The following SLC44A1 variants were observed in gnomAD, a reference collection of about 807,000 sequenced individuals.
SLC44A1 encodes choline transporter-like protein 1.
Under a neutral mutation model 79.3 loss-of-function variants are expected in SLC44A1, and 26 were observed. The observed-to-expected ratio is 0.33, with a 90% CI of 0.24 to 0.46. The LOEUF (loss-of-function observed/expected upper bound fraction) is 0.46. SLC44A1 is among the 20% of genes least tolerant of loss of function. SLC44A1 has a pLI of 1.00. For synonymous variants in SLC44A1, 263 were observed against 286.2 expected (o/e 0.92, Z 0.82); for missense variants, 688 against 798.1 (o/e 0.86, Z 1.66).
intron 1 of SLC44A1, among the ~76,000 whole-genome samples, chr9:105,260,501 A>T (rs1030068588): frequency 6.6e-6 from 1 of 152,158 alleles, no homozygotes; most frequent in African/African-American, 2.4e-5. Flanking sequence ...ACTAAGAATC[A>T]CTCAGCTCTG....
intron 1 of SLC44A1, among the ~76,000 whole-genome samples, chr9:105,255,834 A>AAT (rs1033281905): frequency 2.0e-5 from 3 of 152,208 alleles, no homozygotes; most frequent in African/African-American, 7.2e-5. Context: ...CCAGCTATAA[A>AAT]ATATAAACAA....
At chr9:105,253,470 A>G (rs1196609518) in intron 1 of SLC44A1, among the ~76,000 whole-genome samples, 7 of 152,194 alleles carry the variant, frequency 4.6e-5, no homozygotes, top group Non-Finnish European at 8.8e-5. Flanking sequence ...GCTCACACGT[A>G]TAATCCCAAC....
At chr9:105,263,987 A>G (rs1829902250) in intron 1 of SLC44A1, among the ~76,000 whole-genome samples, 2 of 152,084 alleles carry the variant, frequency 1.3e-5, no homozygotes, top group Admixed American at 6.5e-5. Flanking sequence ...ATATGCTTAT[A>G]CTGCTACCTC....
chr9:105,389,973 C>T lies in SLC44A1; in HGVS notation c.*917C>T. 1.4e-6 allele frequency: 2 copies of T among 1,465,858 alleles called. No individual in the cohort carries two copies. Among genetic ancestry groups the T allele is most frequent in the South Asian group, 1.4e-5 (1 of 69,120 alleles). The allele number at this position is 1,465,858 out of a possible 1,614,324, so 90.8% of individuals were successfully genotyped here. A position where few individuals can be genotyped will look rare whatever the true frequency, so the allele number is the denominator to read the frequency against. On this transcript the variant is annotated 3_prime_UTR_variant, in exon 16 of 16. Coordinates refer to ENST00000374720, the MANE Select transcript of SLC44A1 (RefSeq NM_080546.5). The stretch of plus-strand genomic sequence containing the variant: ...ACATAAAGCATTGAAAATTCCGGTG[C>T]TTGGGCTTCGGCTTCAGAGTAACGT...
At position 105,371,235 on chromosome 9, in the gene SLC44A1, A is replaced by T. The variant is rs546543493; in HGVS notation, c.1495-3363A>T. 3.3e-5 allele frequency among the ~76,000 whole-genome samples: 5 copies of T among 152,288 alleles called. No homozygotes were observed. In the East Asian group the frequency reaches 7.7e-4, roughly 24 times the overall value. Reference sequence around the variant, plus strand: ...GTAGATGAGTGAGTAGATGAGGTTGATATTAATCCTTGGCAGTACTCTAGA... The same window carrying T: ...GTAGATGAGTGAGTAGATGAGGTTGTTATTAATCCTTGGCAGTACTCTAGA... On this transcript the variant is annotated intron_variant, in intron 12 of 15. Transcript: ENST00000374720.
intron 2 of SLC44A1, among the ~76,000 whole-genome samples, chr9:105,302,809 A>G (rs150836644): frequency 6.6e-6 from 1 of 152,274 alleles, no homozygotes; most frequent in Non-Finnish European, 1.5e-5. Flanking sequence ...ATTGAGCAAG[A>G]AGTGATATGA....
chr9:105,405,676 A>T (rs780404338), intron 15 of SLC44A1, among the ~76,000 whole-genome samples: 1 of 152,004 alleles, frequency 6.6e-6, no homozygotes, highest in South Asian at 2.1e-4. Context: ...TGTGTTTTGA[A>T]TTGTCTGGTG....
intron 2 of SLC44A1, among the ~76,000 whole-genome samples, chr9:105,305,843 C>CTTTT (rs748755778): frequency 3.9e-4 from 33 of 84,896 alleles, no homozygotes; most frequent in African/African-American, 7.3e-4. Context: ...AAAGTGTGTC[C>CTTTT]TTTTTTTTTT....
At chr9:105,428,509 T>G (rs1431123096) in intron 15 of SLC44A1, among the ~76,000 whole-genome samples, 1 of 152,244 alleles carries the variant, frequency 6.6e-6, no homozygotes, top group Non-Finnish European at 1.5e-5. Flanking sequence ...AGCTCTGCCA[T>G]CTTTTTGGTC....
rs551502111 is a variant in SLC44A1 at position 105,289,397 on chromosome 9, A to G, written c.37-9823A>G. 9.2e-5 allele frequency among the ~76,000 whole-genome samples: 14 copies of G among 152,378 alleles called. No individual in the cohort carries two copies. The South Asian group carries it at 1.2e-3, about 14-fold the overall frequency. ...AATATTTGAGTGCTTTCTATAAACA[A>G]TGTTAATCCCTGGGTTAAACAAAAA... On this transcript the variant is annotated intron_variant, in intron 1 of 15. Coordinates refer to ENST00000374720, the MANE Select transcript of SLC44A1 (RefSeq NM_080546.5).
chr9:105,307,473 G>A (rs1276857272), intron 2 of SLC44A1, among the ~76,000 whole-genome samples: 1 of 152,076 alleles, frequency 6.6e-6, no homozygotes, highest in African/African-American at 2.4e-5. Flanking sequence ...GTGAAACCCT[G>A]TGTCTACTAA....
chr9:105,295,762 G>C (rs186236493), intron 1 of SLC44A1, among the ~76,000 whole-genome samples: 32 of 152,146 alleles, frequency 2.1e-4, no homozygotes, highest in Middle Eastern at 3.4e-3. Context: ...GGCGGGGAGT[G>C]GGGGGGAGGG....
rs2131491825 is a variant in SLC44A1, at chr9:105,395,537, C to A, written c.*6481C>A. 1.0e-6 allele frequency: 1 copy of A among 985,486 alleles called. No homozygotes were observed. The highest frequency in any genetic ancestry group is 1.2e-6 in the Non-Finnish European group (1 of 830,000). 61.0% of individuals were successfully genotyped at this position (985,486 alleles called of 1,614,324 possible). A position where few individuals can be genotyped will look rare whatever the true frequency, so the allele number is the denominator to read the frequency against. On this transcript the variant is annotated 3_prime_UTR_variant, in exon 16 of 16. Transcript: ENST00000374720. Reference sequence around the variant, plus strand: ...CCCGGCCTAGAAGAGTTTTAATGAACCTTCCACAGTAGTAAATGCAGAGAC... The same window carrying A: ...CCCGGCCTAGAAGAGTTTTAATGAAACTTCCACAGTAGTAAATGCAGAGAC...
Position 105,280,287 on chromosome 9 carries a change from G to A in SLC44A1, c.37-18933G>A, listed in dbSNP as rs570784370. ...TTGGAGGTAGAGTATAGGATTCCAG[G>A]TCTAGCTCTGATTTATCAGCCACAT... On this transcript the variant is annotated intron_variant, in intron 1 of 15. Coordinates refer to ENST00000374720, the MANE Select transcript of SLC44A1 (RefSeq NM_080546.5). Among the ~76,000 whole-genome samples the A allele has an allele frequency of 3.9e-5, 6 of 152,292 alleles. No individual in the cohort carries two copies. In the South Asian group the frequency reaches 8.3e-4, roughly 21 times the overall value.
At chr9:105,351,634 G>GAAAGAAAGA in intron 5 of SLC44A1, among the ~76,000 whole-genome samples, 1 of 133,268 alleles carries the variant, frequency 7.5e-6, no homozygotes, top group African/African-American at 3.0e-5. Flanking sequence ...GAGAGAAAGA[G>GAAAGAAAGA]AAAGAAAGAA....
intron 1 of SLC44A1, among the ~76,000 whole-genome samples, chr9:105,275,103 A>G (rs566336232): frequency 1.1e-4 from 17 of 152,246 alleles, no homozygotes; most frequent in Non-Finnish European, 2.5e-4. Context: ...GAAAAATAAT[A>G]AATTTTTTTC....
At chr9:105,438,189 C>T (rs570832735) in intron 15 of SLC44A1, 101 of 1,035,612 alleles carry the variant, frequency 9.8e-5, no homozygotes, top group Non-Finnish European at 1.3e-4. Flanking sequence ...TCTTTAAAGA[C>T]GATCCCACAC....
At chr9:105,309,893 A>T (rs1796551031) in intron 3 of SLC44A1, 27 bp downstream of exon 3, 1 of 1,602,224 alleles carries the variant, frequency 6.2e-7, no homozygotes, top group Non-Finnish European at 8.5e-7. Flanking sequence ...AATGATGAAC[A>T]CATGGAAACT....
intron 3 of SLC44A1, among the ~76,000 whole-genome samples, chr9:105,311,075 A>G (rs1002507281): frequency 6.6e-6 from 1 of 152,194 alleles, no homozygotes; most frequent in African/African-American, 2.4e-5. Context: ...GAGAAGTGAA[A>G]GTTGGACTCT....
Sources: gnomAD v4.1 joint callset for allele counts (sites outside exome capture counted in the v4.1 genomes callset) on GRCh38, gnomAD v4.1.1 for gene constraint, MANE v1.5 for transcripts, NCBI Gene and HGNC (gene_info 2026-07-23, HGNC 2026-07-21) for gene names.